Variants in GTF2IRD1 observed in about 807,000 individuals in gnomAD.
GTF2IRD1 encodes general transcription factor II-I repeat domain-containing protein 1.
Under a neutral mutation model 113.2 loss-of-function variants are expected in GTF2IRD1, and 26 were observed. The observed-to-expected ratio is 0.23, with a 90% CI of 0.17 to 0.32. GTF2IRD1 has a LOEUF of 0.32. Among genes scored for constraint, GTF2IRD1 ranks in the 10% least tolerant of loss-of-function variants. The pLI is 1.00. For synonymous variants in GTF2IRD1, 484 were observed against 529.1 expected (o/e 0.91, Z 1.17); for missense variants, 864 against 1,280.8 (o/e 0.67, Z 4.97).
At chr7:74,546,340 C>T (rs1440858614) in intron 16 of GTF2IRD1, among the ~76,000 whole-genome samples, 1 of 151,296 alleles carries the variant, frequency 6.6e-6, no homozygotes, top group Non-Finnish European at 1.5e-5. Flanking sequence ...TCCTGCCTCA[C>T]CCTCCCGAGT....
chr7:74,529,210 TAG>T (rs1268549491), intron 8 of GTF2IRD1, among the ~76,000 whole-genome samples: 1 of 152,020 alleles, frequency 6.6e-6, no homozygotes, highest in Non-Finnish European at 1.5e-5. Flanking sequence ...GTCACATACG[TAG>T]GACTTTGGCT....
chr7:74,520,112 A>AG (rs1797188844), intron 6 of GTF2IRD1, among the ~76,000 whole-genome samples: 1 of 150,454 alleles, frequency 6.6e-6, no homozygotes. Context: ...AAAAAAAAAA[A>AG]AAAAAAAGCA....
At chr7:74,480,147 CTT>C (rs577657231) in intron 1 of GTF2IRD1, among the ~76,000 whole-genome samples, 1 of 147,380 alleles carries the variant, frequency 6.8e-6, no homozygotes. Flanking sequence ...GTGTTTTAAT[CTT>C]TTTTTTTTTT....
At chr7:74,526,639 C>T (rs1554347262) in intron 8 of GTF2IRD1, among the ~76,000 whole-genome samples, 1 of 152,188 alleles carries the variant, frequency 6.6e-6, no homozygotes, top group African/African-American at 2.4e-5. Context: ...CAAGGGGCAA[C>T]AGCAGGGTTC....
At chr7:74,499,400 A>G (rs10224601) in intron 1 of GTF2IRD1, among the ~76,000 whole-genome samples, 42,273 of 150,374 alleles carry the variant, frequency 0.28, 6,983 homozygotes, top group African/African-American at 0.45. Context: ...GGAAGGGAGG[A>G]AGGGAAGGAA....
intron 1 of GTF2IRD1, among the ~76,000 whole-genome samples, chr7:74,455,072 G>A (rs999479377): frequency 6.6e-6 from 1 of 152,182 alleles, no homozygotes; most frequent in Non-Finnish European, 1.5e-5. Flanking sequence ...AGTGCTGGAG[G>A]GGGCTGGAGC....
chr7:74,494,922 T>A (rs531794309), intron 1 of GTF2IRD1, among the ~76,000 whole-genome samples: 6 of 152,246 alleles, frequency 3.9e-5, no homozygotes, highest in Admixed American at 2.6e-4. Context: ...TAGCTAATTT[T>A]AAATTTTTTT....
intron 1 of GTF2IRD1, among the ~76,000 whole-genome samples, chr7:74,460,079 G>A (rs1554328697): frequency 2.0e-5 from 3 of 149,870 alleles, no homozygotes; most frequent in South Asian, 2.1e-4. Context: ...CGGCTCAAGC[G>A]ATCCTTCTGG....
chr7:74,592,677 G>A (rs1436967889), intron 24 of GTF2IRD1, among the ~76,000 whole-genome samples: 1 of 151,828 alleles, frequency 6.6e-6, no homozygotes, highest in African/African-American at 2.4e-5. Context: ...TGGGATTACA[G>A]GCATGTGCCA....
chr7:74,461,767 T>C (rs1361770376), intron 1 of GTF2IRD1, among the ~76,000 whole-genome samples: 3 of 152,110 alleles, frequency 2.0e-5, no homozygotes, highest in Non-Finnish European at 4.4e-5. Flanking sequence ...TTAGTAGAGA[T>C]GGGGTTTTGC....
intron 22 of GTF2IRD1, among the ~76,000 whole-genome samples, chr7:74,571,382 T>A (rs374973768): frequency 1.3e-5 from 2 of 152,188 alleles, no homozygotes; most frequent in East Asian, 3.9e-4. Context: ...CTTTGCAGCA[T>A]GGACAGGGCC....
At chr7:74,520,839 A>AT (rs1199756991) in intron 6 of GTF2IRD1, among the ~76,000 whole-genome samples, 78 of 95,898 alleles carry the variant, frequency 8.1e-4, no homozygotes, top group African/African-American at 2.5e-3. Flanking sequence ...TAAGTTATAT[A>AT]TACTATTATT....
chr7:74,537,498 T>G (rs782053212), intron 11 of GTF2IRD1, among the ~76,000 whole-genome samples: 10 of 151,758 alleles, frequency 6.6e-5, no homozygotes, highest in Non-Finnish European at 1.2e-4. Context: ...CACACCTACC[T>G]ACATGCATAC....
At chr7:74,494,137 C>T (rs1795516698) in intron 1 of GTF2IRD1, among the ~76,000 whole-genome samples, 1 of 152,202 alleles carries the variant, frequency 6.6e-6, no homozygotes, top group African/African-American at 2.4e-5. Context: ...TGTCTGAGCT[C>T]AGCCAGATGG....
intron 22 of GTF2IRD1, among the ~76,000 whole-genome samples, chr7:74,579,702 T>C (rs1801298772): frequency 6.6e-6 from 1 of 151,526 alleles, no homozygotes; most frequent in Admixed American, 6.6e-5. Context: ...CCGGCTAGAG[T>C]CCAGTAGCTG....
Position 74,468,676 on chromosome 7 carries a change from CTGTGTGTGTGTGTGTGTGTGTGTG to C in GTF2IRD1, c.-7+14524_-7+14547del, listed in dbSNP as rs61694825. ...ACTCCATCTCCAAAAAAAAAAAAAACTGTGTGTGTGTGTGTGTGTGTGTGTGTGTGTGTGTGTGTGTGTGTGTAG... is the reference window on the plus strand; with the variant it reads ...ACTCCATCTCCAAAAAAAAAAAAAACTGTGTGTGTGTGTGTGTGTGTGTAG... On this transcript the variant is annotated intron_variant, in intron 1 of 26. Transcript: ENST00000424337. Among the ~76,000 whole-genome samples the C allele has an allele frequency of 8.5e-5, 11 of 129,416 alleles. No homozygotes were observed. In the East Asian group the frequency reaches 1.2e-3, roughly 14 times the overall value. The allele number at this position is 129,416 out of a possible 152,430, so 84.9% of individuals were successfully genotyped here.
intron 1 of GTF2IRD1, among the ~76,000 whole-genome samples, chr7:74,496,767 A>G (rs1166067518): frequency 2.6e-5 from 4 of 152,026 alleles, no homozygotes. Flanking sequence ...CATTCCAGCA[A>G]AGGTCACTGA....
Position 74,512,964 on chromosome 7 carries a change from G to T in GTF2IRD1, c.258G>T (p.Arg86Ser). Residue 86 changes from arginine (R) to serine (S), a missense_variant, in exon 3 of 27, where the codon AGG (arginine) becomes AGT (serine). Arg to Ser is a moderately radical substitution (Grantham distance 110). Transcript: ENST00000424337. This position sits in a 1 kb window ranked among gnomAD's most constrained non-coding sequence, Gnocchi z 4.4. ...AGGAGCTACAGTCAGACTTCCTCAG[G>T]TTCTGCCGTGAGTACCCCAGGGCTC... ...ARKELQSDFLRFCRGPPWKDP... is the reference protein window; with the variant it reads ...ARKELQSDFLSFCRGPPWKDP... 1 of 1,613,808 alleles carries T rather than the reference G, an allele frequency of 6.2e-7. No homozygotes were observed. The highest frequency in any genetic ancestry group is 2.2e-5 in the East Asian group (1 of 44,884).
In GTF2IRD1 at chr7:74,597,405, T is replaced by A. The variant is rs1179745293; in HGVS notation, c.2629+2354T>A. On this transcript the variant is annotated intron_variant, in intron 25 of 26. Transcript: ENST00000424337. ...TCTGTCACTCAGGCTGGAGTCAATC[T>A]TGCGATCTTGGCTCACTGCAACCTC... Among the ~76,000 whole-genome samples the A allele has an allele frequency of 4.3e-5, 6 of 140,620 alleles. No homozygotes were observed. In the East Asian group the frequency reaches 1.1e-3, roughly 27 times the overall value. 92.3% of individuals were successfully genotyped at this position (140,620 alleles called of 152,430 possible).
Sources: allele counts gnomAD v4.1 joint callset (sites outside exome capture counted in the v4.1 genomes callset), GRCh38; gene constraint gnomAD v4.1.1; non-coding constraint Gnocchi (gnomAD v3.1); transcripts MANE v1.5; gene names NCBI Gene and HGNC (gene_info 2026-07-23, HGNC 2026-07-21).